The following RGS7 variants were observed in gnomAD, a reference collection of about 807,000 sequenced individuals.
RGS7 encodes regulator of G protein signaling 7, also known as regulator of G-protein signaling 7.
Under a neutral mutation model 81.1 loss-of-function variants are expected in RGS7, and 27 were observed. The ratio of observed to expected loss-of-function variants is 0.33; its 90% CI spans 0.25 to 0.46. RGS7 has a LOEUF of 0.46. RGS7 is among the 20% of genes least tolerant of loss of function. The pLI, the probability that RGS7 is intolerant of heterozygous loss-of-function variation, is 1.00. For missense variants in RGS7, 396 were observed against 607.4 expected (o/e 0.65, Z 3.66); for synonymous variants, 208 against 207.7 (o/e 1.00, Z -0.01).
chr1:241,017,517 C>T lies in RGS7; in HGVS notation c.176-34388G>A, dbSNP rs148855052. Among the ~76,000 whole-genome samples, 499 of 148,100 alleles carry T rather than the reference C, an allele frequency of 3.4e-3. 6 individuals carry two copies. Among genetic ancestry groups the T allele is most frequent in the African/African-American group, 0.012 (471 of 40,422 alleles). ...ATTATGCCTTTTTTTTATGTTGCTT[C>T]TTTGTGTATATACGAGTTTAGTCTT... is the stretch of plus-strand genomic sequence containing the variant. On this transcript the variant is annotated intron_variant, in intron 3 of 18. Coordinates refer to ENST00000440928, the MANE Select transcript of RGS7 (RefSeq NM_001364886.1).
intron 4 of RGS7, 128 bp from the exon 5 acceptor site, chr1:240,936,834 G>T: frequency 1.4e-6 from 1 of 723,994 alleles, no homozygotes; most frequent in Non-Finnish European, 2.4e-6. Flanking sequence ...TTTAATTTCT[G>T]ACTTCCTTGT....
chr1:241,280,163 T>G (rs1445527754), intron 2 of RGS7, among the ~76,000 whole-genome samples: 1 of 152,210 alleles, frequency 6.6e-6, no homozygotes, highest in Non-Finnish European at 1.5e-5. Context: ...TAATCCAATG[T>G]GACTGGTGTC....
intron 3 of RGS7, among the ~76,000 whole-genome samples, chr1:241,030,373 T>TATATATATATATACAC (rs374223475): frequency 3.0e-4 from 41 of 135,230 alleles, no homozygotes; most frequent in African/African-American, 5.4e-4. Context: ...TATATATATA[T>TATATATATATATACAC]ACATACACAC....
At chr1:241,005,575 G>A (rs2058643769) in intron 3 of RGS7, among the ~76,000 whole-genome samples, 1 of 152,070 alleles carries the variant, frequency 6.6e-6, no homozygotes, top group South Asian at 2.1e-4. Context: ...TCACACTGTC[G>A]CCCAGGCTGG....
At chr1:241,117,422 A>C (rs2065950601) in intron 2 of RGS7, among the ~76,000 whole-genome samples, 1 of 152,188 alleles carries the variant, frequency 6.6e-6, no homozygotes, top group African/African-American at 2.4e-5. Context: ...ATACCTCACT[A>C]AAGTAGCTAG....
chr1:240,846,810 G>A (rs892064861), intron 9 of RGS7, among the ~76,000 whole-genome samples: 1 of 152,132 alleles, frequency 6.6e-6, no homozygotes, highest in African/African-American at 2.4e-5. Flanking sequence ...ATGACATGGC[G>A]GAAACTGTCT....
At chr1:241,092,707 T>C (rs1292780019) in intron 3 of RGS7, among the ~76,000 whole-genome samples, 1 of 152,162 alleles carries the variant, frequency 6.6e-6, no homozygotes, top group East Asian at 1.9e-4. Context: ...CCCACTTGTA[T>C]GGGGCAGATT....
chr1:240,932,585 T>C (rs1675665844), intron 5 of RGS7, among the ~76,000 whole-genome samples: 1 of 146,930 alleles, frequency 6.8e-6, no homozygotes, highest in Non-Finnish European at 1.5e-5. Flanking sequence ...CTCAGCTCGC[T>C]GCAAGCTCCG....
intron 3 of RGS7, among the ~76,000 whole-genome samples, chr1:241,028,205 T>G (rs959118147): frequency 6.6e-6 from 1 of 152,200 alleles, no homozygotes; most frequent in African/African-American, 2.4e-5. Flanking sequence ...CCTGGCCACA[T>G]AGACTCAACC....
At chr1:240,945,494 T>C (rs1678454074) in intron 4 of RGS7, among the ~76,000 whole-genome samples, 2 of 152,220 alleles carry the variant, frequency 1.3e-5, no homozygotes, top group African/African-American at 4.8e-5. Context: ...ATGCATTTTG[T>C]TTGAAAATCA....
chr1:240,890,914 T>C (rs1179482094), intron 6 of RGS7, among the ~76,000 whole-genome samples: 1 of 152,150 alleles, frequency 6.6e-6, no homozygotes, highest in African/African-American at 2.4e-5. Flanking sequence ...TAATATCCAA[T>C]GGCAAGAACC....
chr1:241,057,783 G>A (rs2061544732), intron 3 of RGS7, among the ~76,000 whole-genome samples: 1 of 152,136 alleles, frequency 6.6e-6, no homozygotes, highest in South Asian at 2.1e-4. Flanking sequence ...ACAGTGGCAT[G>A]CGCCTGTAGT....
At chr1:240,791,338 G>T (rs1685970931) in intron 18 of RGS7, among the ~76,000 whole-genome samples, 1 of 152,234 alleles carries the variant, frequency 6.6e-6, no homozygotes, top group Non-Finnish European at 1.5e-5. Flanking sequence ...GAGGGCAGGA[G>T]ATTTTGCCCA....
chr1:241,270,886 G>A (rs1361544164), intron 2 of RGS7, among the ~76,000 whole-genome samples: 1 of 149,212 alleles, frequency 6.7e-6, no homozygotes, highest in Non-Finnish European at 1.5e-5. Context: ...AGCCTCCCCA[G>A]TAGCTGGGGC....
intron 3 of RGS7, among the ~76,000 whole-genome samples, chr1:241,045,001 A>G (rs1341201367): frequency 6.6e-6 from 1 of 152,148 alleles, no homozygotes; most frequent in East Asian, 1.9e-4. Context: ...CTGATTCTGT[A>G]CTTCGAGTTT....
intron 3 of RGS7, among the ~76,000 whole-genome samples, chr1:241,017,606 T>C (rs2059326325): frequency 6.6e-6 from 1 of 152,220 alleles, no homozygotes; most frequent in African/African-American, 2.4e-5. Flanking sequence ...CAGATTTTTC[T>C]TTGAATACTT....
intron 4 of RGS7, among the ~76,000 whole-genome samples, chr1:240,972,294 G>C (rs377614995): frequency 3.3e-5 from 5 of 151,510 alleles, no homozygotes; most frequent in African/African-American, 7.3e-5. Flanking sequence ...TTGGAACCAA[G>C]CCAAATGTCC....
chr1:241,119,486 T>C (rs1270764673), intron 2 of RGS7, among the ~76,000 whole-genome samples: 2 of 152,252 alleles, frequency 1.3e-5, no homozygotes, highest in Non-Finnish European at 2.9e-5. Flanking sequence ...CTGAAACTTT[T>C]AACAATGAAC....
intron 2 of RGS7, among the ~76,000 whole-genome samples, chr1:241,256,653 G>C (rs1387841711): frequency 1.3e-5 from 2 of 152,028 alleles, no homozygotes; most frequent in African/African-American, 4.8e-5. Context: ...CTTCCTAGCT[G>C]GCCAATGACT....
Sources: allele counts gnomAD v4.1 joint callset (sites outside exome capture counted in the v4.1 genomes callset), GRCh38; gene constraint gnomAD v4.1.1; transcripts MANE v1.5; gene names NCBI Gene and HGNC (gene_info 2026-07-23, HGNC 2026-07-21).